The following LRP1B variants were observed in gnomAD, a reference collection of about 807,000 sequenced individuals.
LRP1B encodes low-density lipoprotein receptor-related protein 1B.
Under a neutral mutation model 556.6 loss-of-function variants are expected in LRP1B, and 217 were observed. That is an observed-to-expected ratio of 0.39 (90% CI 0.35 to 0.44). LRP1B has a LOEUF of 0.44. Ranked by LOEUF, LRP1B falls within the 20% of genes least tolerant of loss-of-function variation. The probability of loss-of-function intolerance (pLI) is 1.00; values close to 1 mark genes in which losing one functional copy is unlikely to be tolerated. For synonymous variants in LRP1B, 2,047 were observed against 1,865.8 expected (o/e 1.10, Z -2.50); for missense variants, 5,053 against 5,620.8 (o/e 0.90, Z 3.23).
chr2:141,708,818 C>T (rs1267496185), intron 2 of LRP1B, among the ~76,000 whole-genome samples: 2 of 152,036 alleles, frequency 1.3e-5, no homozygotes, highest in Non-Finnish European at 2.9e-5. Flanking sequence ...GAGATGCATG[C>T]ACAAAGAAAA....
chr2:141,985,905 T>C (rs1015654070), intron 1 of LRP1B, among the ~76,000 whole-genome samples: 3 of 151,984 alleles, frequency 2.0e-5, no homozygotes, highest in African/African-American at 7.2e-5. Context: ...TTGAAAGGAA[T>C]ATAGCTTTGA....
intron 3 of LRP1B, among the ~76,000 whole-genome samples, chr2:141,289,991 A>G (rs1317095958): frequency 6.6e-6 from 1 of 152,184 alleles, no homozygotes; most frequent in Non-Finnish European, 1.5e-5. Flanking sequence ...TTTATGAATG[A>G]AGAACTTGAG....
At position 140,850,214 on chromosome 2, in the gene LRP1B, A is replaced by G; in HGVS notation, c.4827T>C (p.Thr1609=). Residue 1609 remains threonine (T), a synonymous_variant, in exon 29 of 91, where the codon ACT becomes ACC. Transcript: ENST00000389484. ...CCTCAGATGCATCGAAGTCTATCAC[A>G]GTAACGTCATCAATATCAGGGACTG... ...AFTVPDIDDV[T]VIDFDASEER... 6.2e-7 allele frequency: 1 copy of G among 1,613,062 alleles called. No individual in the cohort carries two copies. Among genetic ancestry groups the G allele is most frequent in the Non-Finnish European group, 8.5e-7 (1 of 1,179,102 alleles).
chr2:140,568,684 C>T (rs575343825), intron 43 of LRP1B, among the ~76,000 whole-genome samples: 1 of 152,192 alleles, frequency 6.6e-6, no homozygotes, highest in South Asian at 2.1e-4. Flanking sequence ...GAAGCACATT[C>T]TAGTTAAATT....
chr2:141,202,349 C>T (rs144120876), intron 6 of LRP1B, among the ~76,000 whole-genome samples: 1 of 152,150 alleles, frequency 6.6e-6, no homozygotes, highest in African/African-American at 2.4e-5. Context: ...CACATCTTTG[C>T]TATTGTGAAT....
intron 66 of LRP1B, among the ~76,000 whole-genome samples, chr2:140,400,135 C>T (rs1486744420): frequency 6.6e-6 from 1 of 151,034 alleles, no homozygotes; most frequent in Non-Finnish European, 1.5e-5. Context: ...ATGTCAGTGC[C>T]CCATCTACAC....
intron 1 of LRP1B, among the ~76,000 whole-genome samples, chr2:141,882,005 C>A (rs1698975194): frequency 6.6e-6 from 1 of 152,100 alleles, no homozygotes; most frequent in South Asian, 2.1e-4. Context: ...GATCCTCCTG[C>A]CTTAGATTTT....
intron 3 of LRP1B, among the ~76,000 whole-genome samples, chr2:141,309,707 C>T (rs1004644622): frequency 1.3e-5 from 2 of 151,930 alleles, no homozygotes; most frequent in South Asian, 4.2e-4. Flanking sequence ...ACACCAGGGC[C>T]AGTTCGGGGG....
At chr2:140,532,069 C>T (rs1690719542) in intron 47 of LRP1B, among the ~76,000 whole-genome samples, 1 of 152,040 alleles carries the variant, frequency 6.6e-6, no homozygotes, top group South Asian at 2.1e-4. Context: ...TACCTGAGTT[C>T]CAAATCTCTA....
chr2:141,147,513 AT>A (rs199901829), intron 7 of LRP1B, among the ~76,000 whole-genome samples: 4 of 152,168 alleles, frequency 2.6e-5, no homozygotes, highest in East Asian at 1.9e-4. Context: ...AACAGAGAGC[AT>A]TTTTTTTAAT....
At chr2:141,900,089 C>T (rs1209464104) in intron 1 of LRP1B, among the ~76,000 whole-genome samples, 4 of 151,990 alleles carry the variant, frequency 2.6e-5, no homozygotes, top group African/African-American at 7.2e-5. Flanking sequence ...TTTTTTGTGA[C>T]ACATTTGTGA....
intron 1 of LRP1B, among the ~76,000 whole-genome samples, chr2:141,831,592 T>C (rs1024388987): frequency 4.0e-5 from 6 of 151,712 alleles, no homozygotes; most frequent in Non-Finnish European, 8.9e-5. Context: ...CATTAAGTTT[T>C]GGAATAAAGA....
At chr2:141,064,817 T>C (rs7572921) in intron 7 of LRP1B, among the ~76,000 whole-genome samples, 72,927 of 151,704 alleles carry the variant, frequency 0.48, 18,698 homozygotes, top group Non-Finnish European at 0.58. Context: ...AAACACAAGC[T>C]AACATTTTTA....
chr2:141,448,593 C>T (rs988651271), intron 3 of LRP1B, among the ~76,000 whole-genome samples: 15 of 152,128 alleles, frequency 9.9e-5, no homozygotes, highest in South Asian at 2.1e-4. Flanking sequence ...GTATCTGGGC[C>T]GGATTGCACC....
At chr2:141,246,493 C>T (rs1684073011) in intron 5 of LRP1B, among the ~76,000 whole-genome samples, 1 of 152,116 alleles carries the variant, frequency 6.6e-6, no homozygotes, top group African/African-American at 2.4e-5. Flanking sequence ...AAAAGAACAA[C>T]ACGATTTGGT....
chr2:140,234,117 C>CT lies in LRP1B; in HGVS notation c.13659+668_13659+669insA, dbSNP rs1355359559. Among the ~76,000 whole-genome samples the CT allele has an allele frequency of 5.3e-5, 8 of 151,306 alleles. No individual in the cohort carries two copies. In the Admixed American group the frequency reaches 5.3e-4, roughly 10 times the overall value. ...ACAGTACATTAAATCTTAGTTACAA[C>CT]AAGGAAACATTATAATCTTTGAGCC... On this transcript the variant is annotated intron_variant, in intron 90 of 90. Coordinates refer to ENST00000389484, the MANE Select transcript of LRP1B (RefSeq NM_018557.3).
At chr2:140,747,268 T>C (rs1190289321) in intron 35 of LRP1B, among the ~76,000 whole-genome samples, 1 of 152,160 alleles carries the variant, frequency 6.6e-6, no homozygotes, top group East Asian at 1.9e-4. Context: ...ATGTGAAGGC[T>C]CTTTCACTCA....
chr2:141,911,886 C>T (rs1699915739), intron 1 of LRP1B, among the ~76,000 whole-genome samples: 1 of 152,102 alleles, frequency 6.6e-6, no homozygotes, highest in African/African-American at 2.4e-5. Flanking sequence ...ACTGCCACCT[C>T]GTGGTCATCA....
intron 1 of LRP1B, among the ~76,000 whole-genome samples, chr2:142,048,358 A>T (rs1009385985): frequency 5.9e-5 from 9 of 152,142 alleles, no homozygotes; most frequent in African/African-American, 1.9e-4. Flanking sequence ...TAATTGGCAC[A>T]GTAGGGATTC....
Sources: allele counts gnomAD v4.1 joint callset (sites outside exome capture counted in the v4.1 genomes callset), GRCh38; gene constraint gnomAD v4.1.1; transcripts MANE v1.5; gene names NCBI Gene and HGNC (gene_info 2026-07-23, HGNC 2026-07-21).